TBCK: variants seen among roughly 807,000 people sequenced by gnomAD.
TBCK encodes TBC1 domain containing kinase.
A neutral mutation model predicts 113.4 loss-of-function variants in TBCK; 99 were observed. The observed-to-expected ratio is 0.87, with a 90% CI of 0.74 to 1.03. The LOEUF is 1.03. TBCK is among the 50% of genes least tolerant of loss of function. The pLI, the probability that TBCK is intolerant of heterozygous loss-of-function variation, is 0.00. For synonymous variants in TBCK, 369 were observed against 370.8 expected (o/e 1.00, Z 0.05); for missense variants, 1,045 against 1,061.3 (o/e 0.98, Z 0.21).
chr4:106,120,789 G>A (rs574129674), intron 23 of TBCK, among the ~76,000 whole-genome samples: 8 of 152,162 alleles, frequency 5.3e-5, no homozygotes, highest in African/African-American at 1.4e-4. Context: ...CAAACAGAAA[G>A]GACATCCACA....
At chr4:106,103,484 G>C (rs1741779236) in intron 24 of TBCK, among the ~76,000 whole-genome samples, 1 of 152,160 alleles carries the variant, frequency 6.6e-6, no homozygotes, top group South Asian at 2.1e-4. Flanking sequence ...GACCAGATAG[G>C]CACCTGTAAA....
At chr4:106,056,003 G>A (rs1350934132) in intron 25 of TBCK, among the ~76,000 whole-genome samples, 1 of 150,296 alleles carries the variant, frequency 6.7e-6, no homozygotes, top group South Asian at 2.1e-4. Flanking sequence ...TTTTTTTCAT[G>A]TTCTGTAGAA....
intron 5 of TBCK, among the ~76,000 whole-genome samples, chr4:106,252,258 TTC>T (rs1465046423): frequency 3.9e-5 from 6 of 152,094 alleles, no homozygotes; most frequent in Non-Finnish European, 5.9e-5. Context: ...CTTTATTTGC[TTC>T]TCTCTGTGTT....
chr4:106,074,112 C>G (rs1344776248), intron 25 of TBCK, among the ~76,000 whole-genome samples: 2 of 152,164 alleles, frequency 1.3e-5, no homozygotes, highest in Non-Finnish European at 2.9e-5. Flanking sequence ...TGCCCATGGG[C>G]TGCACCCACT....
intron 24 of TBCK, among the ~76,000 whole-genome samples, chr4:106,107,685 A>G (rs1304392286): frequency 1.3e-5 from 2 of 152,236 alleles, no homozygotes; most frequent in African/African-American, 4.8e-5. Context: ...AAAAGTTAGA[A>G]AGATGTTAAA....
At chr4:106,079,152 T>C (rs1375952374) in intron 25 of TBCK, among the ~76,000 whole-genome samples, 2 of 152,002 alleles carry the variant, frequency 1.3e-5, no homozygotes, top group African/African-American at 2.4e-5. Context: ...CTCAACAAAT[T>C]AGGCATCAAA....
intron 3 of TBCK, among the ~76,000 whole-genome samples, chr4:106,281,177 T>C (rs1764550784): frequency 6.6e-6 from 1 of 152,156 alleles, no homozygotes; most frequent in Admixed American, 6.5e-5. Context: ...GTAGCTATTA[T>C]AAATGGAATT....
At chr4:106,162,456 C>T (rs915059604) in intron 23 of TBCK, among the ~76,000 whole-genome samples, 1 of 152,148 alleles carries the variant, frequency 6.6e-6, no homozygotes, top group Non-Finnish European at 1.5e-5. Context: ...TAGGCAGTGC[C>T]CCAGTGGGGA....
intron 3 of TBCK, among the ~76,000 whole-genome samples, chr4:106,263,019 C>T (rs1272748692): frequency 2.0e-5 from 3 of 151,946 alleles, no homozygotes; most frequent in Non-Finnish European, 2.9e-5. Flanking sequence ...GTCAACATTC[C>T]TTTTCTTTTT....
At chr4:106,209,957 T>A (rs549140077) in intron 20 of TBCK, among the ~76,000 whole-genome samples, 1 of 152,322 alleles carries the variant, frequency 6.6e-6, no homozygotes, top group East Asian at 1.9e-4. Context: ...CTTTGTTCTA[T>A]CCTGCACCCC....
chr4:106,315,794 A>C (rs1342615378), intron 1 of TBCK, 137 bp downstream of exon 1: 1 of 152,326 alleles, frequency 6.6e-6, no homozygotes, highest in African/African-American at 2.4e-5. Context: ...GACAGTACCT[A>C]TCAGCAAGCG....
At chr4:106,263,506 G>C (rs1762694250) in intron 3 of TBCK, among the ~76,000 whole-genome samples, 1 of 151,794 alleles carries the variant, frequency 6.6e-6, no homozygotes, top group African/African-American at 2.4e-5. Context: ...GGCTTGGGTG[G>C]GGGGTAGGTG....
chr4:106,251,595 T>A (rs935724756), intron 6 of TBCK, among the ~76,000 whole-genome samples: 1 of 151,910 alleles, frequency 6.6e-6, no homozygotes, highest in African/African-American at 2.4e-5. Context: ...AATATAAACA[T>A]CTTAACTTTG....
intron 25 of TBCK, among the ~76,000 whole-genome samples, chr4:106,078,819 T>TG (rs762362405): frequency 5.3e-5 from 8 of 151,626 alleles, no homozygotes; most frequent in Non-Finnish European, 1.2e-4. Context: ...TACCAAAATC[T>TG]GGCAGAGATA....
intron 23 of TBCK, among the ~76,000 whole-genome samples, chr4:106,165,724 T>C (rs1034039770): frequency 6.6e-6 from 1 of 151,786 alleles, no homozygotes; most frequent in Non-Finnish European, 1.5e-5. Context: ...GCTTTACGTA[T>C]ATCATTATTA....
At chr4:106,207,005 C>T (rs1236646361) in intron 20 of TBCK, among the ~76,000 whole-genome samples, 3 of 152,130 alleles carry the variant, frequency 2.0e-5, no homozygotes, top group Non-Finnish European at 4.4e-5. Flanking sequence ...CACAGAATTT[C>T]AGGAAAACAG....
At chr4:106,300,310 T>G (rs1766805197) in intron 2 of TBCK, among the ~76,000 whole-genome samples, 1 of 152,124 alleles carries the variant, frequency 6.6e-6, no homozygotes, top group Admixed American at 6.5e-5. Context: ...AAGTTAACAC[T>G]AAGAAACTGA....
intron 22 of TBCK, among the ~76,000 whole-genome samples, chr4:106,173,640 T>G (rs1324757830): frequency 6.6e-6 from 1 of 152,130 alleles, no homozygotes; most frequent in African/African-American, 2.4e-5. Flanking sequence ...ACAGTGAATC[T>G]TGATGATGTA....
At chr4:106,099,553 T>G (rs190059366) in intron 24 of TBCK, among the ~76,000 whole-genome samples, 168 of 152,280 alleles carry the variant, frequency 1.1e-3, no homozygotes, top group Non-Finnish European at 2.0e-3. Context: ...TAAATAGCAT[T>G]AACTGATATA....
Sources: gnomAD v4.1 joint callset for allele counts (sites outside exome capture counted in the v4.1 genomes callset) on GRCh38, gnomAD v4.1.1 for gene constraint, MANE v1.5 for transcripts, NCBI Gene and HGNC (gene_info 2026-07-23, HGNC 2026-07-21) for gene names.